Variants in EEFSEC observed in about 807,000 individuals in gnomAD.
EEFSEC encodes eukaryotic elongation factor, selenocysteine-tRNA specific.
A neutral mutation model predicts 42.1 loss-of-function variants in EEFSEC; 43 were observed. That is an observed-to-expected ratio of 1.02 (90% CI 0.80 to 1.32). The LOEUF (loss-of-function observed/expected upper bound fraction) is 1.32, where lower values mean the gene tolerates loss of function less well. Ranked by LOEUF, EEFSEC falls within the 40% of genes most tolerant of loss-of-function variation. The pLI, the probability that EEFSEC is intolerant of heterozygous loss-of-function variation, is 0.00. For missense variants in EEFSEC, 745 were observed against 803.6 expected (o/e 0.93, Z 0.88); for synonymous variants, 354 against 339.1 (o/e 1.04, Z -0.48).
chr3:128,183,709 C>T (rs2065435718), intron 1 of EEFSEC, among the ~76,000 whole-genome samples: 2 of 152,182 alleles, frequency 1.3e-5, no homozygotes, highest in South Asian at 2.1e-4. Context: ...TGGTGGATAG[C>T]GGGTCCTCAG....
At chr3:128,300,341 C>T (rs879177520) in intron 4 of EEFSEC, among the ~76,000 whole-genome samples, 1 of 152,112 alleles carries the variant, frequency 6.6e-6, no homozygotes, top group African/African-American at 2.4e-5. Context: ...AGGTGGCTCA[C>T]GCCTGTAATC....
intron 4 of EEFSEC, among the ~76,000 whole-genome samples, chr3:128,289,547 C>G (rs1163848171): frequency 6.6e-6 from 1 of 152,168 alleles, no homozygotes; most frequent in African/African-American, 2.4e-5. Flanking sequence ...ACTGGAATAC[C>G]TAGATTTTGT....
intron 1 of EEFSEC, among the ~76,000 whole-genome samples, chr3:128,190,727 A>C (rs1325478054): frequency 1.3e-5 from 2 of 152,172 alleles, no homozygotes; most frequent in African/African-American, 2.4e-5. Context: ...ACTCGCCCAG[A>C]ACACCTTCCA....
At chr3:128,293,679 A>ACAAAAAAC (rs1553752140) in intron 4 of EEFSEC, among the ~76,000 whole-genome samples, 1,942 of 133,412 alleles carry the variant, frequency 0.015, 182 homozygotes, top group African/African-American at 0.032. Context: ...AAAAAAAAAA[A>ACAAAAAAC]AAAAAAAACT....
In EEFSEC at chr3:128,408,391, G is replaced by C; in HGVS notation, c.*132G>C. 1 of 1,016,016 alleles carries C rather than the reference G, an allele frequency of 9.8e-7. No homozygotes were observed. The highest frequency in any genetic ancestry group is 1.8e-5 in the South Asian group (1 of 56,202). 62.9% of individuals were successfully genotyped at this position (1,016,016 alleles called of 1,614,324 possible). A position where few individuals can be genotyped will look rare whatever the true frequency, so the allele number is the denominator to read the frequency against. On this transcript the variant is annotated 3_prime_UTR_variant, in exon 7 of 7. Coordinates refer to ENST00000254730, the MANE Select transcript of EEFSEC (RefSeq NM_021937.5). ...CTGCAGCAGCAGCCCCCACCCCCAAGCTTGGTGCTGAGCCCTGGTGAGGAG... is the reference window on the plus strand; with the variant it reads ...CTGCAGCAGCAGCCCCCACCCCCAACCTTGGTGCTGAGCCCTGGTGAGGAG...
At chr3:128,328,989 T>C (rs1010392962) in intron 4 of EEFSEC, among the ~76,000 whole-genome samples, 4 of 152,176 alleles carry the variant, frequency 2.6e-5, no homozygotes, top group Non-Finnish European at 5.9e-5. Flanking sequence ...GCAGCTCAAT[T>C]GGATGACTGA....
chr3:128,284,455 G>A (rs958575442), intron 4 of EEFSEC, among the ~76,000 whole-genome samples: 2 of 152,026 alleles, frequency 1.3e-5, no homozygotes, highest in African/African-American at 2.4e-5. Context: ...CTGGGGGTTG[G>A]GGGTGGGGGA....
rs747301292 is a variant in EEFSEC, at chr3:128,230,735, G to A, written c.317-16101G>A. On this transcript the variant is annotated intron_variant, in intron 1 of 6. Coordinates refer to ENST00000254730, the MANE Select transcript of EEFSEC (RefSeq NM_021937.5). ...AGGTAAGGGCCTTTAGACAGGTCTC[G>A]CTTAGCATGCAGATTGGGAAAGTTG... Among the ~76,000 whole-genome samples the A allele has an allele frequency of 3.9e-5, 6 of 152,250 alleles. No homozygotes were observed. The South Asian group carries it at 8.3e-4, about 21-fold the overall frequency.
chr3:128,294,933 G>A (rs1284584932), intron 4 of EEFSEC, among the ~76,000 whole-genome samples: 2 of 152,152 alleles, frequency 1.3e-5, no homozygotes, highest in Admixed American at 1.3e-4. Context: ...TCTCTTGCAT[G>A]TACCTCCAGG....
At chr3:128,327,795 G>T (rs950473169) in intron 4 of EEFSEC, among the ~76,000 whole-genome samples, 1 of 152,208 alleles carries the variant, frequency 6.6e-6, no homozygotes, top group Non-Finnish European at 1.5e-5. Flanking sequence ...CCTGACCCAG[G>T]CTCTGTACTA....
intron 2 of EEFSEC, among the ~76,000 whole-genome samples, chr3:128,257,613 A>T (rs71329988): frequency 0.02 from 2,995 of 152,168 alleles, 46 homozygotes; most frequent in Middle Eastern, 0.048. Flanking sequence ...TTTTAAGGAG[A>T]TTTGTCTTTA....
In EEFSEC at chr3:128,179,054, G is replaced by A. The variant is rs143232685; in HGVS notation, c.316+25231G>A. 8.5e-5 allele frequency among the ~76,000 whole-genome samples: 13 copies of A among 152,278 alleles called. No homozygotes were observed. In the East Asian group the frequency reaches 2.3e-3, roughly 27 times the overall value. On this transcript the variant is annotated intron_variant, in intron 1 of 6. Transcript: ENST00000254730. ...TTTGTTTTTACAGGCTGGAAAGATTGCTGTGAATTTTAACACTTGGGAGTC... is the reference window on the plus strand; with the variant it reads ...TTTGTTTTTACAGGCTGGAAAGATTACTGTGAATTTTAACACTTGGGAGTC...
At position 128,408,072 on chromosome 3, in the gene EEFSEC, G is replaced by A; in HGVS notation, c.1604G>A (p.Gly535Asp). ...SGKFKIHIPG[G>D]LSPESKKILT... Reference sequence around the variant, plus strand: ...GGCTCTCTTCTGTGCCTTGCAGGTGGCCTCAGCCCCGAGTCCAAGAAGATC... The same window carrying A: ...GGCTCTCTTCTGTGCCTTGCAGGTGACCTCAGCCCCGAGTCCAAGAAGATC... Residue 535 changes from glycine to aspartate, a missense_variant, in exon 7 of 7, where the codon GGC (glycine) becomes GAC (aspartate). Coordinates refer to ENST00000254730, the MANE Select transcript of EEFSEC (RefSeq NM_021937.5). 1.3e-6 allele frequency: 2 copies of A among 1,556,576 alleles called. No individual in the cohort carries two copies. The highest frequency in any genetic ancestry group is 1.7e-6 in the Non-Finnish European group (2 of 1,151,830).
intron 1 of EEFSEC, among the ~76,000 whole-genome samples, chr3:128,165,417 C>A (rs1418927552): frequency 6.6e-6 from 1 of 152,176 alleles, no homozygotes; most frequent in Non-Finnish European, 1.5e-5. Context: ...GAGTTTTTGT[C>A]TTTTGTTAAT....
the EEFSEC span, among the ~76,000 whole-genome samples, chr3:128,425,494 C>T: frequency 6.6e-6 from 1 of 152,234 alleles, no homozygotes; most frequent in Non-Finnish European, 1.5e-5. Context: ...AGCATCGGTG[C>T]TTCTCTCCCA....
At chr3:128,405,686 T>C (rs1220211611) in intron 6 of EEFSEC, among the ~76,000 whole-genome samples, 1 of 152,220 alleles carries the variant, frequency 6.6e-6, no homozygotes, top group African/African-American at 2.4e-5. Flanking sequence ...GCCTTGACTT[T>C]TCAGGGACGA....
At chr3:128,407,734 C>T (rs2068135542) in intron 6 of EEFSEC, among the ~76,000 whole-genome samples, 1 of 152,158 alleles carries the variant, frequency 6.6e-6, no homozygotes, top group East Asian at 1.9e-4. Flanking sequence ...TCAGGGAGTA[C>T]CCCACCCAGG....
intron 1 of EEFSEC, among the ~76,000 whole-genome samples, chr3:128,232,113 C>A (rs574469927): frequency 6.6e-6 from 1 of 152,238 alleles, no homozygotes; most frequent in African/African-American, 2.4e-5. Flanking sequence ...TAACTCGTAT[C>A]ATCTCCCAAG....
At chr3:128,250,786 T>C (rs1298221939) in intron 2 of EEFSEC, among the ~76,000 whole-genome samples, 1 of 152,220 alleles carries the variant, frequency 6.6e-6, no homozygotes, top group Non-Finnish European at 1.5e-5. Flanking sequence ...TTGTTGGAAT[T>C]TTGATAGGTA....
Sources: gnomAD v4.1 joint callset for allele counts (sites outside exome capture counted in the v4.1 genomes callset) on GRCh38, gnomAD v4.1.1 for gene constraint, MANE v1.5 for transcripts, NCBI Gene and HGNC (gene_info 2026-07-23, HGNC 2026-07-21) for gene names.